GPC5: variants seen among roughly 807,000 people sequenced by gnomAD.
GPC5 encodes the protein glypican 5.
GPC5 carries 47 observed loss-of-function variants against 53.9 expected under a neutral mutation model. That is an observed-to-expected ratio of 0.87 (90% CI 0.69 to 1.11). The LOEUF (loss-of-function observed/expected upper bound fraction) is 1.11. Ranked by LOEUF, GPC5 falls within the 50% of genes most tolerant of loss-of-function variation. GPC5 has a pLI of 0.00. For synonymous variants in GPC5, 286 were observed against 263.3 expected (o/e 1.09, Z -0.84); for missense variants, 748 against 713.1 (o/e 1.05, Z -0.56).
chr13:92,589,315 G>T (rs1883642521), intron 7 of GPC5, among the ~76,000 whole-genome samples: 1 of 152,140 alleles, frequency 6.6e-6, no homozygotes, highest in South Asian at 2.1e-4. Flanking sequence ...TGAGAGTCAT[G>T]AGTTCAGTGC....
intron 5 of GPC5, among the ~76,000 whole-genome samples, chr13:91,898,306 C>T (rs1206206223): frequency 6.6e-6 from 1 of 152,176 alleles, no homozygotes; most frequent in Non-Finnish European, 1.5e-5. Context: ...CAAAAAATAG[C>T]TGCTGACAAT....
intron 7 of GPC5, among the ~76,000 whole-genome samples, chr13:92,188,321 T>C (rs185854882): frequency 6.6e-6 from 1 of 152,188 alleles, no homozygotes; most frequent in Non-Finnish European, 1.5e-5. Flanking sequence ...AACTTGATTA[T>C]ATTTTAAGAA....
intron 7 of GPC5, among the ~76,000 whole-genome samples, chr13:92,583,633 G>T: frequency 6.6e-6 from 1 of 152,168 alleles, no homozygotes; most frequent in East Asian, 1.9e-4. Context: ...ATCTTGAGAG[G>T]AGCTTGTGCC....
chr13:92,234,692 G>T (rs1566497128), intron 7 of GPC5, among the ~76,000 whole-genome samples: 1 of 152,070 alleles, frequency 6.6e-6, no homozygotes, highest in African/African-American at 2.4e-5. Flanking sequence ...ATCCATTGCA[G>T]CATCAATTCC....
intron 7 of GPC5, among the ~76,000 whole-genome samples, chr13:92,311,038 TAGAG>T (rs1286734702): frequency 1.3e-5 from 2 of 151,884 alleles, no homozygotes; most frequent in African/African-American, 2.4e-5. Flanking sequence ...AAATTGAAAA[TAGAG>T]AGAAAAAATA....
chr13:91,951,096 G>A (rs964373864), intron 6 of GPC5, among the ~76,000 whole-genome samples: 1 of 152,106 alleles, frequency 6.6e-6, no homozygotes, highest in African/African-American at 2.4e-5. Context: ...GAGAGTGATT[G>A]AATTATCTGT....
intron 7 of GPC5, among the ~76,000 whole-genome samples, chr13:92,508,737 C>T (rs903012836): frequency 6.6e-6 from 1 of 152,228 alleles, no homozygotes; most frequent in Admixed American, 6.5e-5. Flanking sequence ...ATTCTCTTTA[C>T]AGGCAATAAA....
At chr13:91,445,190 G>A (rs1209078028) in intron 1 of GPC5, among the ~76,000 whole-genome samples, 4 of 152,068 alleles carry the variant, frequency 2.6e-5, no homozygotes, top group African/African-American at 9.7e-5. Context: ...TTTCACTTAA[G>A]CGAAGCACTT....
chr13:91,686,759 A>G (rs1370950649), intron 2 of GPC5, among the ~76,000 whole-genome samples: 1 of 152,016 alleles, frequency 6.6e-6, no homozygotes, highest in African/African-American at 2.4e-5. Context: ...CTACCTACCT[A>G]TTCATCTATC....
intron 2 of GPC5, among the ~76,000 whole-genome samples, chr13:91,657,816 CA>C (rs2034884677): frequency 6.6e-6 from 1 of 151,998 alleles, no homozygotes; most frequent in Admixed American, 6.6e-5. Flanking sequence ...AGTATGTAAA[CA>C]ATATAGAAAG....
chr13:91,627,638 GAC>G (rs1401880934), intron 2 of GPC5, among the ~76,000 whole-genome samples: 4 of 152,024 alleles, frequency 2.6e-5, no homozygotes, highest in Non-Finnish European at 5.9e-5. Flanking sequence ...CTGAAAAAAT[GAC>G]ACACTGGGGA....
chr13:92,017,830 A>G (rs547191268), intron 6 of GPC5, among the ~76,000 whole-genome samples: 1 of 151,802 alleles, frequency 6.6e-6, no homozygotes, highest in South Asian at 2.1e-4. Flanking sequence ...ACGCATGAGC[A>G]CACACATACA....
At chr13:91,973,693 C>G (rs957042473) in intron 6 of GPC5, among the ~76,000 whole-genome samples, 5 of 152,160 alleles carry the variant, frequency 3.3e-5, no homozygotes, top group Admixed American at 3.3e-4. Context: ...ACAGACAGGA[C>G]CCTCAGCTGC....
At chr13:91,783,861 C>A (rs996725083) in intron 5 of GPC5, among the ~76,000 whole-genome samples, 2 of 152,138 alleles carry the variant, frequency 1.3e-5, no homozygotes, top group African/African-American at 4.8e-5. Context: ...GTGATTAATG[C>A]CATCAAATCA....
intron 7 of GPC5, among the ~76,000 whole-genome samples, chr13:92,171,719 T>A (rs2042071879): frequency 6.6e-6 from 1 of 152,206 alleles, no homozygotes; most frequent in African/African-American, 2.4e-5. Context: ...ACTCTGTATT[T>A]TTCCTGAGTG....
At chr13:92,796,445 G>A (rs917959059) in intron 7 of GPC5, among the ~76,000 whole-genome samples, 3 of 151,852 alleles carry the variant, frequency 2.0e-5, no homozygotes, top group Admixed American at 6.6e-5. Flanking sequence ...AACCAACACG[G>A]CACATGTACA....
At chr13:92,375,691 C>T (rs544010164) in intron 7 of GPC5, among the ~76,000 whole-genome samples, 52 of 152,292 alleles carry the variant, frequency 3.4e-4, no homozygotes, top group Admixed American at 7.2e-4. Flanking sequence ...CTGTCAAAAA[C>T]GGAAGGCTTG....
chr13:92,282,177 TGAGAA>T (rs2042920749), intron 7 of GPC5, among the ~76,000 whole-genome samples: 2 of 147,180 alleles, frequency 1.4e-5, no homozygotes, highest in South Asian at 4.3e-4. Context: ...TGAAATGAAG[TGAGAA>T]GAGAAGTTTA....
chr13:91,666,977 T>A (rs2035130251), intron 2 of GPC5, among the ~76,000 whole-genome samples: 1 of 152,176 alleles, frequency 6.6e-6, no homozygotes, highest in Non-Finnish European at 1.5e-5. Context: ...ATAGATACTG[T>A]TGTTTTGTTT....
Sources: gnomAD v4.1 joint callset for allele counts (sites outside exome capture counted in the v4.1 genomes callset) on GRCh38, gnomAD v4.1.1 for gene constraint, MANE v1.5 for transcripts, NCBI Gene and HGNC (gene_info 2026-07-23, HGNC 2026-07-21) for gene names.